Variants in C2orf68 observed in about 807,000 individuals in gnomAD.
C2orf68 encodes the protein chromosome 2 open reading frame 68.
C2orf68 carries 15 observed loss-of-function variants against 19.1 expected under a neutral mutation model. That is an observed-to-expected ratio of 0.79 (90% CI 0.53 to 1.21). The LOEUF is 1.21. Ranked by LOEUF, C2orf68 falls within the 50% of genes most tolerant of loss-of-function variation. The probability of loss-of-function intolerance (pLI) is 0.00; values close to 1 mark genes in which losing one functional copy is unlikely to be tolerated. For synonymous variants in C2orf68, 98 were observed against 91.0 expected, an observed-to-expected ratio of 1.08 and a Z score of -0.44; for missense variants, 242 against 226.6, an observed-to-expected ratio of 1.07 and a Z score of -0.44.
chr2:85,611,200 T>C (rs1673497553), intron 2 of C2orf68: 1 of 1,142,506 alleles, frequency 8.8e-7, no homozygotes, highest in South Asian at 2.0e-5. Context: ...AGAGACCTAG[T>C]CTCAAAAATA....
rs1230643258 is a variant in C2orf68 at position 85,605,651 on chromosome 2, A to G, written c.*3294T>C. On this transcript the variant is annotated 3_prime_UTR_variant, in exon 4 of 4. Coordinates refer to ENST00000306336, the MANE Select transcript of C2orf68 (RefSeq NM_001013649.4). ...ATCTAGTGGTAGGAAAATAATCTGT[A>G]CTTATTCCTCTTTCTGCACACAAAG... Among the ~76,000 whole-genome samples the G allele has an allele frequency of 6.6e-6, 1 of 152,192 alleles. No homozygotes were observed. Among genetic ancestry groups the G allele is most frequent in the Non-Finnish European group, 1.5e-5 (1 of 68,034 alleles).
rs1180806946 is a variant in C2orf68 at position 85,611,755 on chromosome 2, C to A, written c.139G>T (p.Ala47Ser). Reference sequence around the variant, plus strand: ...TGCCGCCTCCTCACCTTCTCCTTGGCCGCCTGCTTCACCTTCTTGTCATAG... The same window carrying A: ...TGCCGCCTCCTCACCTTCTCCTTGGACGCCTGCTTCACCTTCTTGTCATAG... ...DDYDKKVKQA[A>S]KEKVRRRHTP... is the part of the protein sequence containing the mutation. Residue 47 changes from alanine (A) to serine (S), a missense_variant, in exon 2 of 4, where the codon GCC becomes TCC. Transcript: ENST00000306336. The A allele has an allele frequency of 3.1e-6, 5 of 1,611,784 alleles. No individual in the cohort carries two copies. Among genetic ancestry groups the A allele is most frequent in the East Asian group, 4.5e-5 (2 of 44,840 alleles).
Position 85,605,339 on chromosome 2 carries a change from CACT to C in C2orf68, c.*3603_*3605del, listed in dbSNP as rs1673176669. ...TTCTGGGATTTTCAAATAATTTGTA[CACT>C]ACATTTTATTCATCTACACATTGGA... is the stretch of plus-strand genomic sequence containing the variant. On this transcript the variant is annotated 3_prime_UTR_variant, in exon 4 of 4. Coordinates refer to ENST00000306336, the MANE Select transcript of C2orf68 (RefSeq NM_001013649.4). Among the ~76,000 whole-genome samples, 1 of 152,004 alleles carries C rather than the reference CACT, an allele frequency of 6.6e-6. No homozygotes were observed. The highest frequency in any genetic ancestry group is 2.4e-5 in the African/African-American group (1 of 41,352).
In C2orf68 at chr2:85,609,531, ACTG is replaced by A; in HGVS notation, c.279_281del (p.Ser95del). On this transcript the variant is annotated inframe_deletion, in exon 3 of 4. Transcript: ENST00000306336. ...AAGGCTCCAGCTCAGAGCCTCCACT[ACTG>A]CTGCTTTCACCGGACTCTTCATAGT... 1.2e-6 allele frequency: 2 copies of A among 1,614,148 alleles called. No homozygotes were observed. Among genetic ancestry groups the A allele is most frequent in the Non-Finnish European group, 1.7e-6 (2 of 1,180,010 alleles).
At chr2:85,611,572 A>C (rs1331233915) in intron 2 of C2orf68, 96 bp downstream of exon 2, 1 of 1,551,186 alleles carries the variant, frequency 6.4e-7, no homozygotes, top group Non-Finnish European at 8.7e-7. Context: ...GATGAGCTGA[A>C]CCTTAGGAGT....
chr2:85,606,029 T>C lies in C2orf68; in HGVS notation c.*2916A>G, dbSNP rs576329163. Among the ~76,000 whole-genome samples, 1 of 152,348 alleles carries C rather than the reference T, an allele frequency of 6.6e-6. No individual in the cohort carries two copies. Among genetic ancestry groups the C allele is most frequent in the Admixed American group, 6.5e-5 (1 of 15,294 alleles). ...TTACTCTTGCACAGCCCCAAACCCT[T>C]GGAAACTCAGCTTCGTTCTATCAGT... On this transcript the variant is annotated 3_prime_UTR_variant, in exon 4 of 4. Transcript: ENST00000306336.
rs1344048437 is a variant in C2orf68 at position 85,611,651 on chromosome 2, G to A, written c.226+17C>T. 2.6e-6 allele frequency: 4 copies of A among 1,557,356 alleles called. No homozygotes were observed. Among genetic ancestry groups the A allele is most frequent in the Non-Finnish European group, 2.6e-6 (3 of 1,150,532 alleles). On this transcript the variant is annotated intron_variant, in intron 2 of 3. Coordinates refer to ENST00000306336, the MANE Select transcript of C2orf68 (RefSeq NM_001013649.4). ...AAGAGCGCGCGGGCTGGAGGCAGGC[G>A]GGGCGGGCGGCCTCACCTCGGTGTC...
At position 85,608,009 on chromosome 2, in the gene C2orf68, A is replaced by C. The variant is rs1291631299; in HGVS notation, c.*936T>G. 1 of 152,128 alleles carries C rather than the reference A, an allele frequency of 6.6e-6. No homozygotes were observed. The highest frequency in any genetic ancestry group is 1.5e-5 in the Non-Finnish European group (1 of 68,024). 9.4% of individuals were successfully genotyped at this position (152,128 alleles called of 1,614,324 possible). The stretch of plus-strand genomic sequence containing the variant: ...AATCAGGCAATTATTGCTAATATTG[A>C]CTTTCCCTTTGTAGGTATGTTCAGA... On this transcript the variant is annotated 3_prime_UTR_variant, in exon 4 of 4. Coordinates refer to ENST00000306336, the MANE Select transcript of C2orf68 (RefSeq NM_001013649.4).
intron 2 of C2orf68, chr2:85,610,220 G>C (rs943465307): frequency 6.6e-6 from 1 of 152,030 alleles, no homozygotes; most frequent in Non-Finnish European, 1.5e-5. Flanking sequence ...TCACCATGTT[G>C]TCCAGGTTAA....
At chr2:85,611,301 G>A in intron 2 of C2orf68, 10 of 1,420,492 alleles carry the variant, frequency 7.0e-6, no homozygotes, top group South Asian at 1.5e-5. Context: ...CAGAGAAGCT[G>A]GGGAAAGGCC....
rs1450187836 is a variant in C2orf68 at position 85,608,920 on chromosome 2, C to T, written c.*25G>A. On this transcript the variant is annotated 3_prime_UTR_variant, in exon 4 of 4. Transcript: ENST00000306336. The stretch of plus-strand genomic sequence containing the variant: ...ATTCTTCCGAGTGCAGTGAATCCAG[C>T]CTGGAGAGAACGCCTTCAACATGGT... 6.2e-7 allele frequency: 1 copy of T among 1,613,190 alleles called. No homozygotes were observed. The highest frequency in any genetic ancestry group is 1.7e-5 in the Admixed American group (1 of 59,974).
intron 2 of C2orf68, 146 bp downstream of exon 2, chr2:85,611,522 G>A (rs1314252685): frequency 1.3e-6 from 2 of 1,550,932 alleles, no homozygotes; most frequent in East Asian, 2.4e-5. Flanking sequence ...ATTCAGCGGA[G>A]ATTTGGGAGC....
rs1673315113 is a variant in C2orf68, at chr2:85,608,748, C to G, written c.*197G>C. 2.2e-5 allele frequency: 5 copies of G among 226,370 alleles called. No individual in the cohort carries two copies. The highest frequency in any genetic ancestry group is 8.4e-5 in the East Asian group (1 of 11,886). 14.0% of individuals were successfully genotyped at this position (226,370 alleles called of 1,614,324 possible). A position where few individuals can be genotyped will look rare whatever the true frequency, so the allele number is the denominator to read the frequency against. On this transcript the variant is annotated 3_prime_UTR_variant, in exon 4 of 4. Transcript: ENST00000306336. ...AAAAAAAGAATTCCAGAATATCAGG[C>G]TGGGCAAATGGGTCAACATATAAGA...
At chr2:85,611,054 C>A (rs950860709) in intron 2 of C2orf68, 17 of 184,026 alleles carry the variant, frequency 9.2e-5, no homozygotes, top group Admixed American at 4.1e-4. Context: ...CCACCGCGCC[C>A]AGCCGGGGAA....
intron 1 of C2orf68, 44 bp from the exon 2 acceptor site, chr2:85,611,830 A>G (rs746104852): frequency 4.4e-6 from 7 of 1,605,074 alleles, no homozygotes; most frequent in Non-Finnish European, 5.1e-6. Context: ...GGGCCGGGCC[A>G]GGCCAGGCCA....
chr2:85,608,902 C>T lies in C2orf68; in HGVS notation c.*43G>A, dbSNP rs376446305. On this transcript the variant is annotated 3_prime_UTR_variant, in exon 4 of 4. Transcript: ENST00000306336. ...CTAAATTCCCTGGGCAGAATTCTTC[C>T]GAGTGCAGTGAATCCAGCCTGGAGA... is the stretch of plus-strand genomic sequence containing the variant. 1.2e-4 allele frequency: 199 copies of T among 1,606,032 alleles called. No individual in the cohort carries two copies. Among genetic ancestry groups the T allele is most frequent in the Non-Finnish European group, 1.5e-4 (181 of 1,174,026 alleles).
intron 2 of C2orf68, chr2:85,611,201 C>T (rs1486339366): frequency 8.6e-7 from 1 of 1,165,912 alleles, no homozygotes. Flanking sequence ...GAGACCTAGT[C>T]TCAAAAATAA....
rs1285707220 is a variant in C2orf68, at chr2:85,611,992, C to T, written c.-8G>A. The T allele has an allele frequency of 5.9e-6, 9 of 1,520,354 alleles. No individual in the cohort carries two copies. The highest frequency in any genetic ancestry group is 7.0e-6 in the Non-Finnish European group (8 of 1,145,642). The allele number at this position is 1,520,354 out of a possible 1,614,324, so 94.2% of individuals were successfully genotyped here. The stretch of plus-strand genomic sequence containing the variant: ...ATGCGGCCCCGCCTCCATCAGGAGC[C>T]GGGGACGCAGAGTCGCCGCCGCCTC... On this transcript the variant is annotated 5_prime_UTR_variant, in exon 1 of 4. Coordinates refer to ENST00000306336, the MANE Select transcript of C2orf68 (RefSeq NM_001013649.4).
In C2orf68 at chr2:85,608,772, G is replaced by T; in HGVS notation, c.*173C>A. The T allele has an allele frequency of 2.8e-5, 8 of 281,656 alleles. No homozygotes were observed. Among genetic ancestry groups the T allele is most frequent in the East Asian group, 1.6e-4 (2 of 12,490 alleles). 17.4% of individuals were successfully genotyped at this position (281,656 alleles called of 1,614,324 possible). A position where few individuals can be genotyped will look rare whatever the true frequency, so the allele number is the denominator to read the frequency against. On this transcript the variant is annotated 3_prime_UTR_variant, in exon 4 of 4. Transcript: ENST00000306336. ...GCTGGGCAAATGGGTCAACATATAA[G>T]AAAGAATGACTGCAAGGCAGGCCAG...
Sources: gnomAD v4.1 joint callset for allele counts (sites outside exome capture counted in the v4.1 genomes callset) on GRCh38, gnomAD v4.1.1 for gene constraint, MANE v1.5 for transcripts, NCBI Gene and HGNC (gene_info 2026-07-23, HGNC 2026-07-21) for gene names.